The following TMEM141 variants were observed in gnomAD, a reference collection of about 807,000 sequenced individuals.
TMEM141 encodes transmembrane protein 141.
In TMEM141, 18 loss-of-function variants were observed where a neutral mutation model predicts 15.9. The observed-to-expected ratio is 1.13, with a 90% CI of 0.78 to 1.68. The LOEUF (loss-of-function observed/expected upper bound fraction) is 1.68, where lower values mean the gene tolerates loss of function less well. Ranked by LOEUF, TMEM141 falls within the 40% of genes most tolerant of loss-of-function variation. TMEM141 has a pLI of 0.00. For synonymous variants in TMEM141, 69 were observed against 54.0 expected (o/e 1.28, Z -1.22); for missense variants, 161 against 139.5 (o/e 1.15, Z -0.78).
chr9:136,792,155 C>A, intron 3 of TMEM141, 96 bp from the exon 4 acceptor site: 1 of 1,490,662 alleles, frequency 6.7e-7, no homozygotes. Flanking sequence ...CCCACCTGAG[C>A]CCACCCACCA....
In TMEM141 at chr9:136,792,919, C is replaced by T. The variant is rs1564345447; in HGVS notation, c.*87C>T. Reference sequence around the variant, plus strand: ...GCCCCCTGACCCCAGGCCGACCCTCCCCACACCCTAGGGTACCCCAGTCGT... The same window carrying T: ...GCCCCCTGACCCCAGGCCGACCCTCTCCACACCCTAGGGTACCCCAGTCGT... On this transcript the variant is annotated 3_prime_UTR_variant, in exon 5 of 5. Coordinates refer to ENST00000290079, the MANE Select transcript of TMEM141 (RefSeq NM_032928.4). 7.0e-7 allele frequency: 1 copy of T among 1,419,092 alleles called. No individual in the cohort carries two copies. Among genetic ancestry groups the T allele is most frequent in the East Asian group, 2.6e-5 (1 of 38,626 alleles). 87.9% of individuals were successfully genotyped at this position (1,419,092 alleles called of 1,614,324 possible).
intron 3 of TMEM141, 96 bp from the exon 4 acceptor site, chr9:136,792,155 C>T: frequency 2.7e-6 from 4 of 1,490,672 alleles, no homozygotes; most frequent in Non-Finnish European, 2.7e-6. Flanking sequence ...CCCACCTGAG[C>T]CCACCCACCA....
In TMEM141 at chr9:136,793,104, A is replaced by G. The variant is rs539576427; in HGVS notation, c.*272A>G. On this transcript the variant is annotated 3_prime_UTR_variant, in exon 5 of 5. Coordinates refer to ENST00000290079, the MANE Select transcript of TMEM141 (RefSeq NM_032928.4). ...TGCATGTTCTGCACTGCCAGCAGAG[A>G]GGGTGTGTCTGGGGGCCACCACCTA... 1.6e-4 allele frequency: 47 copies of G among 291,898 alleles called. No homozygotes were observed. Among genetic ancestry groups the G allele is most frequent in the Middle Eastern group, 9.4e-4 (1 of 1,060 alleles). 18.1% of individuals were successfully genotyped at this position (291,898 alleles called of 1,614,324 possible). A position where few individuals can be genotyped will look rare whatever the true frequency, so the allele number is the denominator to read the frequency against.
intron 3 of TMEM141, 104 bp from the exon 4 acceptor site, chr9:136,792,147 C>T (rs1847597827): frequency 6.7e-7 from 1 of 1,494,298 alleles, no homozygotes; most frequent in Non-Finnish European, 9.1e-7. Context: ...GCGGGAGCCC[C>T]ACCTGAGCCC....
chr9:136,792,321 C>T lies in TMEM141; in HGVS notation c.276C>T (p.Phe92=), dbSNP rs1181365722. 6.3e-7 allele frequency: 1 copy of T among 1,586,514 alleles called. No individual in the cohort carries two copies. Among genetic ancestry groups the T allele is most frequent in the African/African-American group, 1.3e-5 (1 of 74,440 alleles). The change falls in exon 4 of 5, where the codon TTC becomes TTT. Residue 92 remains phenylalanine (F), a synonymous_variant. Transcript: ENST00000290079. ...AGAAATGCAACAACCTCTGGCTCTT[C>T]CTGGAGACCGGGCAGCTCCCCAAAG... ...ESEKCNNLWL[F]LETGQLPKDR... is the part of the protein sequence containing the mutation.
At chr9:136,792,080 C>T (rs777824846) in intron 3 of TMEM141, 50 bp downstream of exon 3, 3 of 1,607,266 alleles carry the variant, frequency 1.9e-6, no homozygotes, top group Admixed American at 1.7e-5. Flanking sequence ...TGGGTTTCTG[C>T]TAGGGTTGGG....
rs1328198593 is a variant in TMEM141, at chr9:136,792,694, C to T, written c.314-125C>T. The T allele has an allele frequency of 4.0e-6, 3 of 748,758 alleles. No homozygotes were observed. The African/African-American group carries it at 5.2e-5, about 13-fold the overall frequency. The allele number at this position is 748,758 out of a possible 1,614,324, so 46.4% of individuals were successfully genotyped here. Reference sequence around the variant, plus strand: ...GGACTGAGAAGCCCCGCATTGGACCCAGGCCTGGCCTCCACTGCCCGTTGT... The same window carrying T: ...GGACTGAGAAGCCCCGCATTGGACCTAGGCCTGGCCTCCACTGCCCGTTGT... On this transcript the variant is annotated intron_variant, in intron 4 of 4. Transcript: ENST00000290079.
In TMEM141 at chr9:136,792,282, G is replaced by A. The variant is rs375551182; in HGVS notation, c.237G>A (p.Thr79=). The A allele has an allele frequency of 1.1e-5, 17 of 1,588,530 alleles. No homozygotes were observed. Among genetic ancestry groups the A allele is most frequent in the South Asian group, 3.4e-5 (3 of 87,280 alleles). ...GCTCTGTGGTCAGCTACGGGGTGACGAGAGTGGAGTCGGAGAAATGCAACA... is the reference window on the plus strand; with the variant it reads ...GCTCTGTGGTCAGCTACGGGGTGACAAGAGTGGAGTCGGAGAAATGCAACA... ...VAGSVVSYGV[T]RVESEKCNNL... is the part of the protein sequence containing the mutation. The change falls in exon 4 of 5, where the codon ACG becomes ACA. Residue 79 remains threonine, a synonymous_variant. Transcript: ENST00000290079.
intron 4 of TMEM141, 96 bp downstream of exon 4, chr9:136,792,454 G>A (rs1588325807): frequency 9.7e-7 from 1 of 1,032,290 alleles, no homozygotes; most frequent in Admixed American, 2.1e-5. Context: ...CGATAGGCTA[G>A]ACAAGGTCCC....
At position 136,792,872 on chromosome 9, in the gene TMEM141, G is replaced by C; in HGVS notation, c.*40G>C. Reference sequence around the variant, plus strand: ...GGGCACAGAGGATTGGGGGCAGGAGGAGTCTGGAACACAGCCTTCATGCCC... The same window carrying C: ...GGGCACAGAGGATTGGGGGCAGGAGCAGTCTGGAACACAGCCTTCATGCCC... On this transcript the variant is annotated 3_prime_UTR_variant, in exon 5 of 5. Coordinates refer to ENST00000290079, the MANE Select transcript of TMEM141 (RefSeq NM_032928.4). 1.3e-6 allele frequency: 2 copies of C among 1,521,952 alleles called. No homozygotes were observed. The highest frequency in any genetic ancestry group is 1.8e-6 in the Non-Finnish European group (2 of 1,133,676). The allele number at this position is 1,521,952 out of a possible 1,614,324, so 94.3% of individuals were successfully genotyped here.
At chr9:136,792,097 G>A in intron 3 of TMEM141, 67 bp downstream of exon 3, 1 of 1,597,390 alleles carries the variant, frequency 6.3e-7, no homozygotes. Flanking sequence ...TGGGGCTGTG[G>A]TTCTGCGTCC....
chr9:136,791,642 G>A, intron 1 of TMEM141, 69 bp from the exon 2 acceptor site: 1 of 1,595,612 alleles, frequency 6.3e-7, no homozygotes, highest in South Asian at 1.1e-5. Context: ...TGTGCCCAGA[G>A]GAGGGACAGG....
At position 136,792,468 on chromosome 9, in the gene TMEM141, C is replaced by T. The variant is rs1360437262; in HGVS notation, c.313+110C>T. 3 of 912,452 alleles carry T rather than the reference C, an allele frequency of 3.3e-6. No individual in the cohort carries two copies. The East Asian group carries it at 7.9e-5, about 24-fold the overall frequency. 56.5% of individuals were successfully genotyped at this position (912,452 alleles called of 1,614,324 possible). On this transcript the variant is annotated intron_variant, in intron 4 of 4. Coordinates refer to ENST00000290079, the MANE Select transcript of TMEM141 (RefSeq NM_032928.4). Reference sequence around the variant, plus strand: ...GCGATAGGCTAGACAAGGTCCCTCCCTCTGGCCCGGCCTCCTCAGCATGTG... The same window carrying T: ...GCGATAGGCTAGACAAGGTCCCTCCTTCTGGCCCGGCCTCCTCAGCATGTG...
intron 2 of TMEM141, 68 bp from the exon 3 acceptor site, chr9:136,791,879 G>GGGGGCCTGGCAAGGT (rs1180604276): frequency 2.5e-6 from 4 of 1,611,302 alleles, no homozygotes; most frequent in Non-Finnish European, 2.5e-6. Context: ...CGCAGGTGCT[G>GGGGGCCTGGCAAGGT]GGGGCCTGGC....
Position 136,792,261 on chromosome 9 carries a change from T to A in TMEM141, c.216T>A (p.Ser72=). 4 of 1,583,238 alleles carry A rather than the reference T, an allele frequency of 2.5e-6. No individual in the cohort carries two copies. Among genetic ancestry groups the A allele is most frequent in the Non-Finnish European group, 3.4e-6 (4 of 1,164,082 alleles). Residue 72 remains serine (S), a synonymous_variant, in exon 4 of 5, where the codon TCT becomes TCA. Transcript: ENST00000290079. ...WSLLVAVVAG[S]VVSYGVTRVE... ...TTTCCTGCTCCACAGTTGCAGGCTC[T>A]GTGGTCAGCTACGGGGTGACGAGAG...
chr9:136,791,422 C>T lies in TMEM141; in HGVS notation c.52C>T (p.Pro18Ser), dbSNP rs777371826. Residue 18 changes from proline (P) to serine (S), a missense_variant and splice_region_variant, in exon 1 of 5, where the codon CCG becomes TCG. Transcript: ENST00000290079. ...GGACGACGCCGTGGCTGCCAAGCAC[C>T]CGGTGAGAAGGCCGGTCTGGGACGC... ...RVDDAVAAKH[P>S]GLGEYAACQS... is the part of the protein sequence containing the mutation. 348 of 1,557,450 alleles carry T rather than the reference C, an allele frequency of 2.2e-4. No individual in the cohort carries two copies. Among genetic ancestry groups the T allele is most frequent in the Non-Finnish European group, 2.9e-4 (333 of 1,151,012 alleles).
intron 1 of TMEM141, 110 bp from the exon 2 acceptor site, chr9:136,791,601 C>A: frequency 1.7e-5 from 27 of 1,567,604 alleles, no homozygotes; most frequent in Non-Finnish European, 2.2e-5. Context: ...CGTGTCCAAG[C>A]GCCCAGGGTC....
chr9:136,792,145 C>G lies in TMEM141; in HGVS notation c.206-106C>G, dbSNP rs1185472469. The G allele has an allele frequency of 1.2e-5, 18 of 1,486,086 alleles. No homozygotes were observed. In the East Asian group the frequency reaches 3.8e-4, roughly 31 times the overall value. 92.1% of individuals were successfully genotyped at this position (1,486,086 alleles called of 1,614,324 possible). ...TGGAGCCCCAGGTCTCGGCGGGAGC[C>G]CCACCTGAGCCCACCCACCACGTCT... On this transcript the variant is annotated intron_variant, in intron 3 of 4. Transcript: ENST00000290079.
At position 136,792,000 on chromosome 9, in the gene TMEM141, C is replaced by T. The variant is rs746027347; in HGVS notation, c.175C>T (p.Pro59Ser). 3.1e-6 allele frequency: 5 copies of T among 1,614,054 alleles called. No homozygotes were observed. The highest frequency in any genetic ancestry group is 4.2e-6 in the Non-Finnish European group (5 of 1,180,008). Reference sequence around the variant, plus strand: ...GTTCATTCAGAGGAAGTTTCCATACCCTTTGCAGTGGAGCCTCCTAGTGGC... The same window carrying T: ...GTTCATTCAGAGGAAGTTTCCATACTCTTTGCAGTGGAGCCTCCTAGTGGC... Reference protein sequence around the residue: ...QMFIQRKFPYPLQWSLLVAVV... With the variant: ...QMFIQRKFPYSLQWSLLVAVV... The change falls in exon 3 of 5, where the codon CCT (proline) becomes TCT (serine). Residue 59 changes from proline to serine, a missense_variant. Transcript: ENST00000290079.
Sources: gnomAD v4.1 joint callset for allele counts on GRCh38, gnomAD v4.1.1 for gene constraint, MANE v1.5 for transcripts, NCBI Gene and HGNC (gene_info 2026-07-23, HGNC 2026-07-21) for gene names.